ADAM23: variants seen among roughly 807,000 people sequenced by gnomAD.
The protein encoded by ADAM23 is disintegrin and metalloproteinase domain-containing protein 23.
In ADAM23, 33 loss-of-function variants were observed where a neutral mutation model predicts 120.1. That is an observed-to-expected ratio of 0.27 (90% CI 0.21 to 0.37). The LOEUF (loss-of-function observed/expected upper bound fraction) is 0.37, where lower values mean the gene tolerates loss of function less well. ADAM23 is among the 10% of genes least tolerant of loss of function. The pLI is 1.00. For missense variants in ADAM23, 862 were observed against 1,058.2 expected (o/e 0.81, Z 2.57); for synonymous variants, 367 against 375.2 (o/e 0.98, Z 0.25).
chr2:206,589,573 G>T, intron 21 of ADAM23, 59 bp downstream of exon 21: 1 of 1,340,274 alleles, frequency 7.5e-7, no homozygotes, highest in Non-Finnish European at 1.0e-6. Context: ...TTATGCAAGT[G>T]CAAAATGAGC....
intron 2 of ADAM23, among the ~76,000 whole-genome samples, chr2:206,457,567 C>T (rs16838253): frequency 0.097 from 14,761 of 152,160 alleles, 895 homozygotes; most frequent in Middle Eastern, 0.15. Flanking sequence ...AGCTGGTTTT[C>T]TCATCTTTTT....
At chr2:206,521,434 T>G (rs1382771625) in intron 3 of ADAM23, among the ~76,000 whole-genome samples, 2 of 152,148 alleles carry the variant, frequency 1.3e-5, no homozygotes, top group Non-Finnish European at 2.9e-5. Context: ...GAACTATGCT[T>G]CTTTTCCTTT....
At chr2:206,586,021 G>A (rs1698314863) in intron 18 of ADAM23, among the ~76,000 whole-genome samples, 1 of 152,192 alleles carries the variant, frequency 6.6e-6, no homozygotes, top group South Asian at 2.1e-4. Context: ...AAAGGTGAGG[G>A]AATGAGCCAT....
chr2:206,446,751 C>T (rs377575407), intron 2 of ADAM23, among the ~76,000 whole-genome samples: 6 of 152,156 alleles, frequency 3.9e-5, no homozygotes, highest in East Asian at 3.9e-4. Context: ...TGCTACCCAC[C>T]GTGAGATAAA....
intron 3 of ADAM23, among the ~76,000 whole-genome samples, chr2:206,503,575 G>A (rs1696434343): frequency 6.6e-6 from 1 of 152,098 alleles, no homozygotes; most frequent in Admixed American, 6.6e-5. Flanking sequence ...CTGACCCTCA[G>A]TTTATGAAAC....
intron 3 of ADAM23, among the ~76,000 whole-genome samples, chr2:206,515,053 C>A (rs1003859273): frequency 6.6e-6 from 1 of 151,998 alleles, no homozygotes; most frequent in African/African-American, 2.4e-5. Flanking sequence ...CTGCAGTATC[C>A]CCAAGGTATG....
chr2:206,515,919 C>T (rs991200824), intron 3 of ADAM23, among the ~76,000 whole-genome samples: 7 of 151,848 alleles, frequency 4.6e-5, no homozygotes, highest in Non-Finnish European at 1.5e-5. Flanking sequence ...TTGTCTCATA[C>T]TCAAAATTTT....
intron 2 of ADAM23, among the ~76,000 whole-genome samples, chr2:206,459,064 C>G (rs1246775883): frequency 6.6e-6 from 1 of 152,220 alleles, no homozygotes; most frequent in Non-Finnish European, 1.5e-5. Context: ...TGATTCCCCT[C>G]TTCTTATAAA....
intron 3 of ADAM23, among the ~76,000 whole-genome samples, chr2:206,519,248 G>A (rs527819601): frequency 6.6e-6 from 1 of 152,270 alleles, no homozygotes; most frequent in Non-Finnish European, 1.5e-5. Context: ...GTCCACACCA[G>A]TTGGAAGAAT....
At chr2:206,477,887 A>ATATATATAT (rs1285925261) in intron 2 of ADAM23, among the ~76,000 whole-genome samples, 6 of 82,334 alleles carry the variant, frequency 7.3e-5, no homozygotes, top group South Asian at 6.5e-4. Context: ...TGTTAAAAAA[A>ATATATATAT]AAAAAAAAAA....
chr2:206,563,816 A>C (rs1220713457), intron 13 of ADAM23, among the ~76,000 whole-genome samples: 3 of 145,830 alleles, frequency 2.1e-5, no homozygotes, highest in African/African-American at 7.7e-5. Context: ...TGCAACCTCC[A>C]CCTCCTGGGT....
intron 25 of ADAM23, among the ~76,000 whole-genome samples, chr2:206,610,374 T>C (rs1698804397): frequency 6.6e-6 from 1 of 152,252 alleles, no homozygotes; most frequent in South Asian, 2.1e-4. Context: ...TTAAAACTTG[T>C]TTGTAGTCCA....
intron 3 of ADAM23, among the ~76,000 whole-genome samples, chr2:206,482,667 A>G (rs1209964792): frequency 6.6e-6 from 1 of 152,202 alleles, no homozygotes; most frequent in East Asian, 1.9e-4. Context: ...AGCACCTATT[A>G]TGAGCAGTCC....
rs562657554 is a variant in ADAM23 at position 206,563,978 on chromosome 2, C to T, written c.1346-1042C>T. Among the ~76,000 whole-genome samples, 10 of 152,208 alleles carry T rather than the reference C, an allele frequency of 6.6e-5. No individual in the cohort carries two copies. In the East Asian group the frequency reaches 1.9e-3, roughly 29 times the overall value. ...ATCTCCTGACCTCATGATCTGCCCA[C>T]CTCGGCCTCCCATAGTGCTGGGATT... is the stretch of plus-strand genomic sequence containing the variant. On this transcript the variant is annotated intron_variant, in intron 13 of 25. Coordinates refer to ENST00000264377, the MANE Select transcript of ADAM23 (RefSeq NM_003812.4).
chr2:206,481,812 C>T (rs1409202195), intron 3 of ADAM23, among the ~76,000 whole-genome samples: 3 of 152,092 alleles, frequency 2.0e-5, no homozygotes, highest in Non-Finnish European at 2.9e-5. Context: ...AAAATTTACC[C>T]GATTGTCTCT....
chr2:206,492,037 C>CA (rs773046181), intron 3 of ADAM23, among the ~76,000 whole-genome samples: 8 of 152,130 alleles, frequency 5.3e-5, no homozygotes, highest in Admixed American at 2.6e-4. Context: ...CAGGCACTGT[C>CA]AAAGTTTGCC....
intron 2 of ADAM23, among the ~76,000 whole-genome samples, chr2:206,447,399 ATAAAGGT>A (rs1393519059): frequency 3.3e-5 from 5 of 152,206 alleles, no homozygotes; most frequent in African/African-American, 1.2e-4. Flanking sequence ...AAGATAAGAG[ATAAAGGT>A]TAAAAGGATG....
intron 6 of ADAM23, among the ~76,000 whole-genome samples, chr2:206,546,556 A>G (rs1283669097): frequency 6.6e-6 from 1 of 152,176 alleles, no homozygotes; most frequent in Non-Finnish European, 1.5e-5. Flanking sequence ...AGCAAAACAA[A>G]TACTTAAATA....
intron 3 of ADAM23, among the ~76,000 whole-genome samples, chr2:206,495,340 A>G (rs1482347257): frequency 7.9e-5 from 12 of 152,060 alleles, no homozygotes; most frequent in Non-Finnish European, 1.6e-4. Flanking sequence ...AGTGGGGGCC[A>G]ATATTCAACA....
Sources: allele counts gnomAD v4.1 joint callset (sites outside exome capture counted in the v4.1 genomes callset), GRCh38; gene constraint gnomAD v4.1.1; transcripts MANE v1.5; gene names NCBI Gene and HGNC (gene_info 2026-07-23, HGNC 2026-07-21).